The following EXOSC8 variants were observed in gnomAD, a reference collection of about 807,000 sequenced individuals.
EXOSC8 encodes the protein exosome component 8.
A neutral mutation model predicts 39.9 loss-of-function variants in EXOSC8; 37 were observed. The ratio of observed to expected loss-of-function variants is 0.93; its 90% confidence interval spans 0.71 to 1.22. EXOSC8 has a LOEUF of 1.22. Among genes scored for constraint, EXOSC8 ranks in the 50% most tolerant of loss-of-function variants. The pLI, the probability that EXOSC8 is intolerant of heterozygous loss-of-function variation, is 0.00. For missense variants in EXOSC8, 313 were observed against 326.6 expected, an observed-to-expected ratio of 0.96 and a Z score of 0.32; for synonymous variants, 93 against 109.5, an observed-to-expected ratio of 0.85 and a Z score of 0.94.
chr13:37,009,581 GAC>G lies in EXOSC8; in HGVS notation c.*286_*287del, dbSNP rs778815592. 14 of 1,435,952 alleles carry G rather than the reference GAC, an allele frequency of 9.7e-6. No individual in the cohort carries two copies. The highest frequency in any genetic ancestry group is 1.7e-5 in the Admixed American group (1 of 58,910). 89.0% of individuals were successfully genotyped at this position (1,435,952 alleles called of 1,614,324 possible). A position where few individuals can be genotyped will look rare whatever the true frequency, so the allele number is the denominator to read the frequency against. ...TGTACATCTAGCAATGTAAAATACTGACACATTAAAAAAAACAAAAAGTAGAA... is the reference window on the plus strand; with the variant it reads ...TGTACATCTAGCAATGTAAAATACTGACATTAAAAAAAACAAAAAGTAGAA... On this transcript the variant is annotated 3_prime_UTR_variant, in exon 11 of 11. Transcript: ENST00000389704.
intron 4 of EXOSC8, chr13:37,004,186 T>G: frequency 4.9e-6 from 1 of 202,808 alleles, no homozygotes; most frequent in Non-Finnish European, 9.8e-6. Flanking sequence ...TTTTGCTCTT[T>G]ACCACTAAAG....
intron 5 of EXOSC8, among the ~76,000 whole-genome samples, chr13:37,005,639 G>A (rs2059133205): frequency 6.6e-6 from 1 of 151,908 alleles, no homozygotes; most frequent in African/African-American, 2.4e-5. Flanking sequence ...AGGCTGAGGC[G>A]GGCGGATCAC....
chr13:37,002,874 T>C lies in EXOSC8; in HGVS notation c.119-60T>C, dbSNP rs559836541. Reference sequence around the variant, plus strand: ...CTAAAACACTTAATTTTAATTATTATGTGGATAATTTTGTAGCTGTTTTCC... The same window carrying C: ...CTAAAACACTTAATTTTAATTATTACGTGGATAATTTTGTAGCTGTTTTCC... On this transcript the variant is annotated intron_variant, in intron 3 of 10. Coordinates refer to ENST00000389704, the MANE Select transcript of EXOSC8 (RefSeq NM_181503.3). The C allele has an allele frequency of 2.9e-5, 32 of 1,094,348 alleles. No individual in the cohort carries two copies. In the South Asian group the frequency reaches 3.7e-4, roughly 13 times the overall value. 67.8% of individuals were successfully genotyped at this position (1,094,348 alleles called of 1,614,324 possible).
intron 9 of EXOSC8, among the ~76,000 whole-genome samples, 159 bp from the exon 10 acceptor site, chr13:37,008,570 C>G (rs936452739): frequency 1.9e-4 from 29 of 152,208 alleles, no homozygotes; most frequent in African/African-American, 7.0e-4. Context: ...GCCTGGCCAA[C>G]ATGTTGAAAC....
rs2059207575 is a variant in EXOSC8 at position 37,009,365 on chromosome 13, T to C, written c.*66T>C. ...TTTGTTAACACTGTGCACAAACGTT[T>C]TATACTAAATAAATATCAAACTACA... is the stretch of plus-strand genomic sequence containing the variant. On this transcript the variant is annotated 3_prime_UTR_variant, in exon 11 of 11. Coordinates refer to ENST00000389704, the MANE Select transcript of EXOSC8 (RefSeq NM_181503.3). 1 of 878,340 alleles carries C rather than the reference T, an allele frequency of 1.1e-6. No individual in the cohort carries two copies. Among genetic ancestry groups the C allele is most frequent in the Non-Finnish European group, 1.8e-6 (1 of 551,312 alleles). The allele number at this position is 878,340 out of a possible 1,614,324, so 54.4% of individuals were successfully genotyped here.
chr13:37,003,313 A>T (rs1460169883), intron 4 of EXOSC8: 3 of 317,588 alleles, frequency 9.4e-6, no homozygotes, highest in South Asian at 4.1e-5. Flanking sequence ...CAGTGATGAC[A>T]TGTAATCTGT....
chr13:37,001,809 T>C (rs993903104), intron 1 of EXOSC8: 2 of 153,206 alleles, frequency 1.3e-5, no homozygotes, highest in Non-Finnish European at 2.9e-5. Flanking sequence ...CAGGTACTGC[T>C]AATGTTACTA....
rs2059137863 is a variant in EXOSC8, at chr13:37,006,184, A to C, written c.390+24A>C. ...AGGTAAGAGGAATAGAGAAGCTATA[A>C]GTTCTTATTAATTCTGAAGGGATTT... On this transcript the variant is annotated intron_variant, in intron 7 of 10. Transcript: ENST00000389704. 2.0e-6 allele frequency: 3 copies of C among 1,534,288 alleles called. No individual in the cohort carries two copies. In the African/African-American group the frequency reaches 4.2e-5, roughly 21 times the overall value.
intron 5 of EXOSC8, among the ~76,000 whole-genome samples, chr13:37,005,443 G>C (rs1338970541): frequency 6.6e-6 from 1 of 151,968 alleles, no homozygotes; most frequent in Non-Finnish European, 1.5e-5. Flanking sequence ...TTCATGGCTG[G>C]GAGTCTTAGA....
At chr13:37,002,355 C>A in intron 2 of EXOSC8, 46 bp downstream of exon 2, 1 of 1,505,300 alleles carries the variant, frequency 6.6e-7, no homozygotes, top group Non-Finnish European at 9.2e-7. Flanking sequence ...TAACGAGCTG[C>A]TTTTAAAGAT....
intron 10 of EXOSC8, 30 bp downstream of exon 10, chr13:37,008,865 T>C (rs1593709903): frequency 7.2e-7 from 1 of 1,395,956 alleles, no homozygotes; most frequent in Non-Finnish European, 1.0e-6. Context: ...GTCCTAAACA[T>C]ATGTAGATGA....
chr13:37,003,439 C>T (rs1593698447), intron 4 of EXOSC8: 1 of 161,054 alleles, frequency 6.2e-6, no homozygotes, highest in East Asian at 1.9e-4. Context: ...ACAGAATTAT[C>T]CACTTTAATG....
Position 37,009,256 on chromosome 13 carries a change from A to C in EXOSC8, c.788A>C (p.Lys263Thr), listed in dbSNP as rs1174678175. Reference sequence around the variant, plus strand: ...GCAGTTACAAGACACAAAGAAGTTAAAAAACTGATGGATGAAGTAATTAAG... The same window carrying C: ...GCAGTTACAAGACACAAAGAAGTTACAAAACTGATGGATGAAGTAATTAAG... ...SRAVTRHKEV[K>T]KLMDEVIKSM... Residue 263 changes from lysine to threonine, a missense_variant, in exon 11 of 11, where the codon AAA (lysine) becomes ACA (threonine). Physicochemically the swap from Lys to Thr is moderately conservative, Grantham distance 78. Coordinates refer to ENST00000389704, the MANE Select transcript of EXOSC8 (RefSeq NM_181503.3). 1 of 1,612,770 alleles carries C rather than the reference A, an allele frequency of 6.2e-7. No individual in the cohort carries two copies. Among genetic ancestry groups the C allele is most frequent in the Non-Finnish European group, 8.5e-7 (1 of 1,179,076 alleles).
At chr13:37,000,916 C>A (rs1221631592) in intron 1 of EXOSC8, 94 bp downstream of exon 1, 1 of 1,385,390 alleles carries the variant, frequency 7.2e-7, no homozygotes, top group South Asian at 1.5e-5. Flanking sequence ...TGGAGGCCGA[C>A]CCCGTTGGGG....
intron 4 of EXOSC8, chr13:37,003,535 G>T (rs1224819904): frequency 1.3e-5 from 2 of 152,778 alleles, no homozygotes; most frequent in East Asian, 3.8e-4. Context: ...AGACTCATAA[G>T]TAAAACTTAG....
intron 4 of EXOSC8, chr13:37,003,258 A>G: frequency 2.4e-6 from 1 of 421,008 alleles, no homozygotes; most frequent in Non-Finnish European, 4.2e-6. Flanking sequence ...AAAAATTGTT[A>G]TATCATTTGA....
intron 8 of EXOSC8, among the ~76,000 whole-genome samples, chr13:37,007,278 A>T (rs2059145475): frequency 6.6e-6 from 1 of 152,208 alleles, no homozygotes. Context: ...TACTTAAGTT[A>T]GGACTTCAGT....
At chr13:37,004,375 G>A (rs1289594986) in intron 4 of EXOSC8, 141 bp from the exon 5 acceptor site, 5 of 624,054 alleles carry the variant, frequency 8.0e-6, no homozygotes, top group African/African-American at 3.7e-5. Context: ...CTATTGTGAG[G>A]ATCAGCACCA....
In EXOSC8 at chr13:37,008,056, G is replaced by A. The variant is rs770966591; in HGVS notation, c.488-1G>A. 2 of 1,587,034 alleles carry A rather than the reference G, an allele frequency of 1.3e-6. No homozygotes were observed. Among genetic ancestry groups the A allele is most frequent in the East Asian group, 2.2e-5 (1 of 44,518 alleles). ...TACTTTACAAATTTGCCTTTTCTTAGTACAGTTGCCTGAAGTTACTATAAA... is the reference window on the plus strand; with the variant it reads ...TACTTTACAAATTTGCCTTTTCTTAATACAGTTGCCTGAAGTTACTATAAA... On this transcript the variant is annotated splice_acceptor_variant, in intron 8 of 10. Transcript: ENST00000389704. LOFTEE classifies it high-confidence loss of function.
Sources: gnomAD v4.1 joint callset for allele counts (sites outside exome capture counted in the v4.1 genomes callset) on GRCh38, gnomAD v4.1.1 for gene constraint, MANE v1.5 for transcripts, NCBI Gene and HGNC (gene_info 2026-07-23, HGNC 2026-07-21) for gene names.